Variants in METTL15 observed in about 807,000 individuals in gnomAD.
METTL15 encodes the protein methyltransferase 15, mitochondrial 12S rRNA N4-cytidine, also known as 12S rRNA N(4)-cytidine methyltransferase METTL15.
Under a neutral mutation model 38.3 loss-of-function variants are expected in METTL15, and 34 were observed. That is an observed-to-expected ratio of 0.89 (90% CI 0.68 to 1.18). The LOEUF (loss-of-function observed/expected upper bound fraction) is 1.18, where lower values mean the gene tolerates loss of function less well. METTL15 is among the 50% of genes most tolerant of loss of function. METTL15 has a pLI of 0.00. For missense variants in METTL15, 438 were observed against 498.4 expected (o/e 0.88, Z 1.15); for synonymous variants, 162 against 170.9 (o/e 0.95, Z 0.41).
Position 28,451,053 on chromosome 11 carries a change from G to A in METTL15, c.*424+26689G>A, listed in dbSNP as rs117631613. On this transcript the variant is annotated intron_variant and NMD_transcript_variant, in intron 6 of 7. Transcript: ENST00000532947. ...GTTTGACTCCAAAGGTCTTTCTGCT[G>A]CACCATATGTATCAGTCAGGATTCT... is the stretch of plus-strand genomic sequence containing the variant. Among the ~76,000 whole-genome samples the A allele has an allele frequency of 1.1e-3, 171 of 152,290 alleles. 2 individuals are homozygous for A. In the East Asian group the frequency reaches 0.027, roughly 24 times the overall value.
chr11:28,234,049 A>G (rs924226612), intron 4 of METTL15, among the ~76,000 whole-genome samples: 5 of 148,574 alleles, frequency 3.4e-5, no homozygotes, highest in African/African-American at 1.2e-4. Context: ...GTGAGAATAT[A>G]TGGTGTTTGG....
At chr11:28,378,779 T>TTTTTTTTA (rs1850350420) in intron 5 of METTL15, among the ~76,000 whole-genome samples, 3 of 141,244 alleles carry the variant, frequency 2.1e-5, no homozygotes, top group Admixed American at 7.1e-5. Context: ...TTTTTTTTTT[T>TTTTTTTTA]GAAGATTTTG....
At chr11:28,203,449 A>G (rs894432343) in intron 3 of METTL15, among the ~76,000 whole-genome samples, 2 of 152,114 alleles carry the variant, frequency 1.3e-5, no homozygotes, top group African/African-American at 4.8e-5. Flanking sequence ...TATAGGAACA[A>G]TGTTTCCATA....
intron 6 of METTL15, among the ~76,000 whole-genome samples, chr11:28,462,146 C>A (rs1851221474): frequency 6.6e-6 from 1 of 151,988 alleles, no homozygotes; most frequent in African/African-American, 2.4e-5. Flanking sequence ...TTAATTGTAC[C>A]TGTTAGGGCC....
At chr11:28,403,223 C>G (rs948548491) in intron 5 of METTL15, among the ~76,000 whole-genome samples, 2 of 151,950 alleles carry the variant, frequency 1.3e-5, no homozygotes, top group Non-Finnish European at 2.9e-5. Context: ...CAATTCAAGT[C>G]TGACACTACC....
intron 4 of METTL15, among the ~76,000 whole-genome samples, chr11:28,215,501 T>A (rs1414069778): frequency 6.6e-6 from 1 of 152,030 alleles, no homozygotes; most frequent in African/African-American, 2.4e-5. Flanking sequence ...CTTCTAAGTC[T>A]GCTTCTTAGG....
At chr11:28,197,329 C>G (rs1851946119) in intron 3 of METTL15, 1 of 212,882 alleles carries the variant, frequency 4.7e-6, no homozygotes, top group South Asian at 7.5e-5. Context: ...TGCTAAATTA[C>G]TTTAGGATTT....
intron 3 of METTL15, among the ~76,000 whole-genome samples, chr11:28,187,524 CTT>C (rs34400562): frequency 1.4e-4 from 18 of 126,540 alleles, no homozygotes; most frequent in Admixed American, 2.5e-4. Context: ...AATGTTTGTG[CTT>C]TTTTTTTTTT....
At chr11:28,512,621 T>G (rs1353208862) in intron 6 of METTL15, among the ~76,000 whole-genome samples, 1 of 152,174 alleles carries the variant, frequency 6.6e-6, no homozygotes, top group East Asian at 1.9e-4. Context: ...GGCCGGCCAC[T>G]CTGAGTGCAG....
At chr11:28,323,222 CTG>C (rs1849529184) in intron 6 of METTL15, among the ~76,000 whole-genome samples, 1 of 150,666 alleles carries the variant, frequency 6.6e-6, no homozygotes, top group African/African-American at 2.4e-5. Context: ...TTAACAATGA[CTG>C]TGTTTATAAC....
chr11:28,188,506 C>A (rs6484352), intron 3 of METTL15, among the ~76,000 whole-genome samples: 69,445 of 150,798 alleles, frequency 0.46, 17,604 homozygotes, highest in Admixed American at 0.56. Flanking sequence ...GACTCATGTC[C>A]AAATGTTTAC....
intron 6 of METTL15, among the ~76,000 whole-genome samples, chr11:28,447,952 G>C (rs1162723020): frequency 6.6e-6 from 1 of 152,108 alleles, no homozygotes; most frequent in Non-Finnish European, 1.5e-5. Context: ...TTTAAGTATA[G>C]TGAATCTTGG....
chr11:28,460,397 A>T (rs1851204576), intron 6 of METTL15, among the ~76,000 whole-genome samples: 1 of 152,150 alleles, frequency 6.6e-6, no homozygotes, highest in Non-Finnish European at 1.5e-5. Context: ...TCTCCAAGCC[A>T]GGAGGTATCC....
intron 6 of METTL15, among the ~76,000 whole-genome samples, chr11:28,306,248 T>A (rs75461267): frequency 6.6e-6 from 1 of 152,246 alleles, no homozygotes; most frequent in East Asian, 1.9e-4. Context: ...CTTCTGCAAG[T>A]GAAAATTAGA....
chr11:28,116,406 T>C (rs4923522), intron 3 of METTL15, among the ~76,000 whole-genome samples: 72,108 of 152,084 alleles, frequency 0.47, 18,354 homozygotes, highest in Admixed American at 0.57. Flanking sequence ...CTACTGTTTT[T>C]ATCTAAATCA....
At chr11:28,288,943 A>G (rs530453029) in intron 4 of METTL15, among the ~76,000 whole-genome samples, 11 of 152,266 alleles carry the variant, frequency 7.2e-5, no homozygotes, top group Non-Finnish European at 1.0e-4. Context: ...TGGTATATAC[A>G]GGAGGTAGTT....
intron 5 of METTL15, among the ~76,000 whole-genome samples, chr11:28,365,334 T>C (rs1028045792): frequency 3.3e-5 from 5 of 152,222 alleles, no homozygotes; most frequent in African/African-American, 1.2e-4. Flanking sequence ...GGTTTTTTAA[T>C]ACTGATTCAA....
chr11:28,208,157 G>C (rs897169351), intron 3 of METTL15, among the ~76,000 whole-genome samples: 11 of 151,970 alleles, frequency 7.2e-5, no homozygotes, highest in African/African-American at 2.7e-4. Context: ...GCTAACTTTT[G>C]AATGTGTTTG....
intron 3 of METTL15, among the ~76,000 whole-genome samples, chr11:28,176,990 C>T (rs556552754): frequency 6.6e-6 from 1 of 151,924 alleles, no homozygotes; most frequent in Non-Finnish European, 1.5e-5. Context: ...AGTTGATAAA[C>T]TTTTTGCCTT....
Sources: gnomAD v4.1 joint callset for allele counts (sites outside exome capture counted in the v4.1 genomes callset) on GRCh38, gnomAD v4.1.1 for gene constraint, MANE v1.5 for transcripts, NCBI Gene and HGNC (gene_info 2026-07-23, HGNC 2026-07-21) for gene names.